USP54: variants seen among roughly 807,000 people sequenced by gnomAD.
The protein encoded by USP54 is ubiquitin specific peptidase 54, also known as ubiquitin carboxyl-terminal hydrolase 54.
Under a neutral mutation model 170.5 loss-of-function variants are expected in USP54, and 87 were observed. The ratio of observed to expected loss-of-function variants is 0.51; its 90% CI spans 0.43 to 0.61. The LOEUF is 0.61. Ranked by LOEUF, USP54 falls within the 20% of genes least tolerant of loss-of-function variation. USP54 has a pLI of 0.00. For synonymous variants in USP54, 655 were observed against 742.8 expected, an observed-to-expected ratio of 0.88 and a Z score of 1.92; for missense variants, 1,786 against 2,047.8, an observed-to-expected ratio of 0.87 and a Z score of 2.47.
At chr10:73,572,458 T>C (rs1381038192) in intron 3 of USP54, among the ~76,000 whole-genome samples, 1 of 152,216 alleles carries the variant, frequency 6.6e-6, no homozygotes, top group Non-Finnish European at 1.5e-5. Context: ...AAACATTTAA[T>C]GTCATAATAC....
intron 13 of USP54, 75 bp from the exon 14 acceptor site, chr10:73,530,598 C>A: frequency 6.4e-7 from 1 of 1,563,800 alleles, no homozygotes; most frequent in Non-Finnish European, 8.6e-7. Context: ...GTCGAAAAAG[C>A]AAAGAAAAGC....
chr10:73,503,036 A>G (rs1589786836), intron 22 of USP54, among the ~76,000 whole-genome samples: 2 of 152,104 alleles, frequency 1.3e-5, no homozygotes, highest in African/African-American at 2.4e-5. Flanking sequence ...AAATACATCG[A>G]CTTATCTCTA....
At chr10:73,531,993 G>A (rs2064078875) in intron 12 of USP54, among the ~76,000 whole-genome samples, 1 of 152,024 alleles carries the variant, frequency 6.6e-6, no homozygotes, top group African/African-American at 2.4e-5. Context: ...ACAAAAATTT[G>A]TTTTCACATG....
chr10:73,573,591 C>A (rs2075611570), intron 3 of USP54, among the ~76,000 whole-genome samples: 1 of 152,150 alleles, frequency 6.6e-6, no homozygotes, highest in Non-Finnish European at 1.5e-5. Context: ...TGGCGAAACC[C>A]CGTCTCTACT....
At chr10:73,543,307 A>G (rs961451069) in intron 5 of USP54, among the ~76,000 whole-genome samples, 176 bp from the exon 6 acceptor site, 1 of 152,194 alleles carries the variant, frequency 6.6e-6, no homozygotes, top group South Asian at 2.1e-4. Flanking sequence ...AAAAATGTAT[A>G]GGAGATCCCC....
intron 10 of USP54, among the ~76,000 whole-genome samples, chr10:73,538,956 C>T (rs1008427350): frequency 6.6e-6 from 1 of 151,974 alleles, no homozygotes; most frequent in African/African-American, 2.4e-5. Flanking sequence ...AAAATGATAC[C>T]TTCATGAATT....
At chr10:73,566,114 C>T (rs1202802332) in intron 4 of USP54, among the ~76,000 whole-genome samples, 1 of 152,106 alleles carries the variant, frequency 6.6e-6, no homozygotes. Context: ...CCTGTAATCC[C>T]AGCTACTCGG....
intron 7 of USP54, 163 bp from the exon 8 acceptor site, chr10:73,541,901 T>G: frequency 1.6e-6 from 1 of 635,748 alleles, no homozygotes; most frequent in Non-Finnish European, 2.7e-6. Context: ...TAAGTACCTC[T>G]ACCTGTCCCC....
intron 11 of USP54, chr10:73,536,060 G>A (rs909367954): frequency 3.0e-5 from 18 of 609,434 alleles, no homozygotes; most frequent in Middle Eastern, 4.4e-4. Context: ...TTGAGGCCAA[G>A]TGATTTAGGC....
intron 23 of USP54, chr10:73,499,945 A>T (rs1371165948): frequency 6.6e-6 from 1 of 152,270 alleles, no homozygotes; most frequent in East Asian, 1.9e-4. Context: ...GGCCTAAAAT[A>T]GTTCAGCTGA....
chr10:73,551,083 G>A (rs556884734), intron 4 of USP54, among the ~76,000 whole-genome samples: 203 of 152,262 alleles, frequency 1.3e-3, no homozygotes, highest in Non-Finnish European at 2.0e-3. Flanking sequence ...CAGCCTGGGC[G>A]ACAGAGCAAG....
chr10:73,574,854 CAA>C (rs111286609), intron 3 of USP54, among the ~76,000 whole-genome samples: 8 of 64,736 alleles, frequency 1.2e-4, no homozygotes, highest in Non-Finnish European at 1.7e-4. Context: ...TGAGACTGTC[CAA>C]AAAAAAAAAA....
intron 20 of USP54, among the ~76,000 whole-genome samples, chr10:73,512,035 C>T (rs562781010): frequency 4.6e-5 from 7 of 151,968 alleles, no homozygotes; most frequent in Admixed American, 1.3e-4. Flanking sequence ...CGTGAGCCAC[C>T]GCACCTGGCC....
At chr10:73,571,647 T>C (rs1247676306) in intron 3 of USP54, 134 bp from the exon 4 acceptor site, 4 of 601,832 alleles carry the variant, frequency 6.6e-6, no homozygotes. Flanking sequence ...CATTCTAGTA[T>C]ATTAAAACAA....
At chr10:73,575,167 G>A (rs2075932723) in intron 3 of USP54, among the ~76,000 whole-genome samples, 1 of 151,792 alleles carries the variant, frequency 6.6e-6, no homozygotes. Flanking sequence ...GGAGGTTGCA[G>A]TGAGCCGAGA....
At chr10:73,624,389 G>GGGT (rs1491202732) in intron 1 of USP54, 1 of 71,780 alleles carries the variant, frequency 1.4e-5, no homozygotes, top group South Asian at 6.5e-4. Flanking sequence ...TAGTAGAGAC[G>GGGT]GGGGGGGGGG....
rs774251083 is a variant in USP54, at chr10:73,517,598, G to A, written c.2828C>T (p.Pro943Leu). 2 of 1,614,090 alleles carry A rather than the reference G, an allele frequency of 1.2e-6. No individual in the cohort carries two copies. The highest frequency in any genetic ancestry group is 2.7e-5 in the African/African-American group (2 of 74,922). Reference sequence around the variant, plus strand: ...AGATCTACTGGGGGAGCTGTGCTGTGGGGCAGATGACTCTGGAGATAGTGA... The same window carrying A: ...AGATCTACTGGGGGAGCTGTGCTGTAGGGCAGATGACTCTGGAGATAGTGA... ...HSSLSPESSA[P>L]QHSSPSRSAL... is the part of the protein sequence containing the mutation. The change falls in exon 20 of 24, where the codon CCA (proline) becomes CTA (leucine). Residue 943 changes from proline (P) to leucine (L), a missense_variant. Pro to Leu is a moderately conservative substitution (Grantham distance 98). Transcript: ENST00000687698.
intron 1 of USP54, among the ~76,000 whole-genome samples, chr10:73,603,724 G>T (rs539893558): frequency 1.5e-4 from 22 of 151,664 alleles, no homozygotes; most frequent in Non-Finnish European, 2.9e-4. Flanking sequence ...CTCCAGCCTG[G>T]GTGACAGAGT....
intron 4 of USP54, among the ~76,000 whole-genome samples, chr10:73,569,128 G>T (rs901891706): frequency 6.6e-6 from 1 of 152,060 alleles, no homozygotes; most frequent in Admixed American, 6.6e-5. Context: ...TTCTTCTATA[G>T]GGACTTCTCC....
Sources: allele counts gnomAD v4.1 joint callset (sites outside exome capture counted in the v4.1 genomes callset), GRCh38; gene constraint gnomAD v4.1.1; transcripts MANE v1.5; gene names NCBI Gene and HGNC (gene_info 2026-07-23, HGNC 2026-07-21).